ST18: variants seen among roughly 807,000 people sequenced by gnomAD.
The protein encoded by ST18 is suppression of tumorigenicity 18 protein.
In ST18, 50 loss-of-function variants were observed where a neutral mutation model predicts 110.0. The observed-to-expected ratio is 0.45, with a 90% CI of 0.36 to 0.58. The LOEUF is 0.58. Ranked by LOEUF, ST18 falls within the 20% of genes least tolerant of loss-of-function variation. The pLI is 0.00. For missense variants in ST18, 1,306 were observed against 1,280.1 expected, an observed-to-expected ratio of 1.02 and a Z score of -0.31; for synonymous variants, 461 against 452.4, an observed-to-expected ratio of 1.02 and a Z score of -0.24.
intron 9 of ST18, among the ~76,000 whole-genome samples, chr8:52,173,475 C>A (rs562740857): frequency 2.0e-5 from 3 of 152,270 alleles, no homozygotes; most frequent in Non-Finnish European, 4.4e-5. Flanking sequence ...TCCCAGGCAG[C>A]CATTGTTGTC....
At chr8:52,263,141 T>A (rs16917600) in intron 2 of ST18, among the ~76,000 whole-genome samples, 8,588 of 152,224 alleles carry the variant, frequency 0.056, 820 homozygotes, top group African/African-American at 0.2. Flanking sequence ...CATTTCCCAC[T>A]CACATCCAGA....
At chr8:52,223,966 A>C (rs1008328770) in intron 3 of ST18, among the ~76,000 whole-genome samples, 2 of 152,092 alleles carry the variant, frequency 1.3e-5, no homozygotes, top group Non-Finnish European at 2.9e-5. Context: ...TAAACATAAA[A>C]ATTTTAGCAC....
chr8:52,236,668 C>G lies in ST18; in HGVS notation c.-464-6591G>C, dbSNP rs562507323. Among the ~76,000 whole-genome samples the G allele has an allele frequency of 5.3e-5, 8 of 150,790 alleles. No homozygotes were observed. The East Asian group carries it at 1.4e-3, about 26-fold the overall frequency. On this transcript the variant is annotated intron_variant, in intron 2 of 25. Coordinates refer to ENST00000689386, the MANE Select transcript of ST18 (RefSeq NM_001352837.2). Reference sequence around the variant, plus strand: ...CCAACATTCCTTCTGCTGTGTAGCTCTAGCTAAGATGGCATCTTTCTTTGA... The same window carrying G: ...CCAACATTCCTTCTGCTGTGTAGCTGTAGCTAAGATGGCATCTTTCTTTGA...
chr8:52,299,552 C>T (rs2139500268), intron 2 of ST18, among the ~76,000 whole-genome samples: 1 of 152,264 alleles, frequency 6.6e-6, no homozygotes, highest in East Asian at 1.9e-4. Context: ...ACATGTGCAG[C>T]CTGTGCTTTG....
At chr8:52,388,511 G>A (rs1048834168) in intron 2 of ST18, among the ~76,000 whole-genome samples, 37 of 152,082 alleles carry the variant, frequency 2.4e-4, no homozygotes, top group African/African-American at 8.9e-4. Flanking sequence ...TTTTTACTAG[G>A]TTTCCATCTG....
At chr8:52,229,061 A>G (rs890264541) in intron 3 of ST18, among the ~76,000 whole-genome samples, 4 of 152,238 alleles carry the variant, frequency 2.6e-5, no homozygotes, top group Admixed American at 2.0e-4. Context: ...ATTTGGATCA[A>G]CAAAATCAAT....
At chr8:52,383,250 AAAG>A (rs1835276222) in intron 2 of ST18, among the ~76,000 whole-genome samples, 2 of 152,294 alleles carry the variant, frequency 1.3e-5, no homozygotes, top group South Asian at 4.1e-4. Flanking sequence ...CTAGTCATTT[AAAG>A]AAGGAGAACA....
intron 2 of ST18, among the ~76,000 whole-genome samples, chr8:52,398,719 C>T (rs1841973407): frequency 1.3e-5 from 2 of 152,082 alleles, no homozygotes; most frequent in Admixed American, 1.3e-4. Context: ...GAGTTATTTT[C>T]CTTCATTCTG....
rs373526892 is a variant in ST18 at position 52,157,313 on chromosome 8, AG to A, written c.1806+1584del. ...TTCTGAGGAACAGGAACACATCTAC[AG>A]GCACAGATGGACAGCATTCATTCTA... On this transcript the variant is annotated intron_variant, in intron 15 of 25. Transcript: ENST00000689386. Among the ~76,000 whole-genome samples, 499 of 152,290 alleles carry A rather than the reference AG, an allele frequency of 3.3e-3. 5 individuals are homozygous for A. Among genetic ancestry groups the A allele is most frequent in the African/African-American group, 0.012 (482 of 41,550 alleles).
At chr8:52,116,250 G>T (rs377522624) in intron 25 of ST18, 25 bp downstream of exon 25, 78 of 1,606,568 alleles carry the variant, frequency 4.9e-5, no homozygotes, top group African/African-American at 4.0e-4. Flanking sequence ...GTAATGGAAT[G>T]GCAAGGTTCT....
chr8:52,175,352 G>A (rs910311955), intron 9 of ST18, among the ~76,000 whole-genome samples: 15 of 152,270 alleles, frequency 9.9e-5, no homozygotes, highest in Middle Eastern at 3.4e-3. Context: ...CCCCAAGGAC[G>A]GGCAGGGTCC....
chr8:52,186,514 C>T (rs1177367834), intron 8 of ST18, among the ~76,000 whole-genome samples: 1 of 152,140 alleles, frequency 6.6e-6, no homozygotes, highest in East Asian at 1.9e-4. Context: ...ACAGTATCTA[C>T]TAAAGGTGAA....
intron 8 of ST18, among the ~76,000 whole-genome samples, chr8:52,183,053 C>T (rs975024684): frequency 6.6e-6 from 1 of 152,122 alleles, no homozygotes; most frequent in African/African-American, 2.4e-5. Flanking sequence ...GTAGTGGGGC[C>T]AATATTTGAA....
intron 2 of ST18, among the ~76,000 whole-genome samples, chr8:52,367,802 C>T (rs949447204): frequency 2.0e-5 from 3 of 152,166 alleles, no homozygotes; most frequent in African/African-American, 7.2e-5. Context: ...CCTGTAGCCC[C>T]TGATCACCTT....
intron 3 of ST18, among the ~76,000 whole-genome samples, chr8:52,226,247 G>A (rs2089348117): frequency 6.6e-6 from 1 of 152,162 alleles, no homozygotes; most frequent in Non-Finnish European, 1.5e-5. Flanking sequence ...GAATAGTAAA[G>A]TTATATCTAA....
At chr8:52,115,980 G>T (rs1188335482) in intron 25 of ST18, among the ~76,000 whole-genome samples, 1 of 152,068 alleles carries the variant, frequency 6.6e-6, no homozygotes, top group Non-Finnish European at 1.5e-5. Flanking sequence ...TTTTCACTGA[G>T]GGAGTTTTGC....
intron 13 of ST18, 147 bp from the exon 14 acceptor site, chr8:52,161,715 G>T: frequency 1.1e-6 from 1 of 918,588 alleles, no homozygotes; most frequent in Non-Finnish European, 1.6e-6. Context: ...GCCATGGCAG[G>T]ACAGAGCAGC....
intron 23 of ST18, among the ~76,000 whole-genome samples, chr8:52,120,292 G>A (rs1398205788): frequency 6.6e-6 from 1 of 152,126 alleles, no homozygotes; most frequent in Non-Finnish European, 1.5e-5. Flanking sequence ...AACTTCTATT[G>A]TTATAAATTT....
chr8:52,395,975 A>C (rs914601765), intron 2 of ST18, among the ~76,000 whole-genome samples: 20 of 152,200 alleles, frequency 1.3e-4, no homozygotes, highest in Middle Eastern at 6.3e-3. Context: ...ACATAGAAAA[A>C]ATAGGCACAA....
Sources: allele counts gnomAD v4.1 joint callset (sites outside exome capture counted in the v4.1 genomes callset), GRCh38; gene constraint gnomAD v4.1.1; transcripts MANE v1.5; gene names NCBI Gene and HGNC (gene_info 2026-07-23, HGNC 2026-07-21).